The following ESR1 variants were observed in gnomAD, a reference collection of about 807,000 sequenced individuals.
The protein encoded by ESR1 is estrogen receptor.
A neutral mutation model predicts 52.7 loss-of-function variants in ESR1; 12 were observed. That is an observed-to-expected ratio of 0.23 (90% CI 0.15 to 0.37). The LOEUF (loss-of-function observed/expected upper bound fraction) is 0.37, where lower values mean the gene tolerates loss of function less well. Among genes scored for constraint, ESR1 ranks in the 10% least tolerant of loss-of-function variants. ESR1 has a pLI of 1.00. For synonymous variants in ESR1, 305 were observed against 316.8 expected (o/e 0.96, Z 0.39); for missense variants, 584 against 779.7 (o/e 0.75, Z 2.99).
In ESR1 at chr6:151,807,771, GGGGCCA is replaced by G. The variant is rs1214624259; in HGVS notation, c.-140_-135del. On this transcript the variant is annotated 5_prime_UTR_variant, in exon 1 of 8. Coordinates refer to ENST00000206249, the MANE Select transcript of ESR1 (RefSeq NM_000125.4). ...ACCCGCAGGCTCCCGGGGCAGGGCC[GGGGCCA>G]GAGCTCGCGTGTCGGCGGGACATGC... 3.5e-5 allele frequency: 29 copies of G among 836,248 alleles called. No homozygotes were observed. The highest frequency in any genetic ancestry group is 5.3e-5 in the Non-Finnish European group (27 of 512,596). The allele number at this position is 836,248 out of a possible 1,614,324, so 51.8% of individuals were successfully genotyped here. A position where few individuals can be genotyped will look rare whatever the true frequency, so the allele number is the denominator to read the frequency against.
chr6:151,765,881 A>T (rs975461106), intron 2 of ESR1, among the ~76,000 whole-genome samples: 1 of 152,214 alleles, frequency 6.6e-6, no homozygotes, highest in Non-Finnish European at 1.5e-5. Context: ...AAGGGGTTCA[A>T]TTACAGAACT....
intron 2 of ESR1, among the ~76,000 whole-genome samples, chr6:151,846,491 A>T (rs1354114869): frequency 6.6e-6 from 1 of 152,204 alleles, no homozygotes; most frequent in Non-Finnish European, 1.5e-5. Flanking sequence ...ACATTTAAGG[A>T]TGGTGAAGGG....
In ESR1 at chr6:152,098,990, T is replaced by C; in HGVS notation, c.*24T>C. ...GAGAGCTCCCTGGCTCCCACACGGT[T>C]CAGATAATCCCTGCTGCATTTTACC... On this transcript the variant is annotated 3_prime_UTR_variant, in exon 8 of 8. Coordinates refer to ENST00000206249, the MANE Select transcript of ESR1 (RefSeq NM_000125.4). This position sits in a 1 kb window ranked among gnomAD's most constrained non-coding sequence, Gnocchi z 5.1. 2 of 1,589,268 alleles carry C rather than the reference T, an allele frequency of 1.3e-6. No individual in the cohort carries two copies. Among genetic ancestry groups the C allele is most frequent in the Non-Finnish European group, 1.7e-6 (2 of 1,157,968 alleles).
chr6:152,011,419 G>A (rs564111960), intron 4 of ESR1, among the ~76,000 whole-genome samples: 2 of 152,228 alleles, frequency 1.3e-5, no homozygotes, highest in East Asian at 1.9e-4. Context: ...GCTCAAGTTG[G>A]TACATTTCTG....
At chr6:151,791,463 A>T (rs913575370) in intron 2 of ESR1, among the ~76,000 whole-genome samples, 5 of 152,198 alleles carry the variant, frequency 3.3e-5, no homozygotes, top group Non-Finnish European at 7.3e-5. Flanking sequence ...TGGAACTGTG[A>T]GTCCATTAAA....
At chr6:151,914,583 A>G (rs1372186351) in intron 3 of ESR1, among the ~76,000 whole-genome samples, 1 of 152,238 alleles carries the variant, frequency 6.6e-6, no homozygotes, top group East Asian at 1.9e-4. Context: ...TATTTAACAA[A>G]TCATACTAGT....
chr6:151,931,642 C>T (rs1427681932), intron 3 of ESR1, among the ~76,000 whole-genome samples: 1 of 141,232 alleles, frequency 7.1e-6, no homozygotes, highest in Non-Finnish European at 1.5e-5. Context: ...GTGATATTCC[C>T]CTTCCTGTGT....
chr6:151,786,840 T>C (rs1359544579), intron 2 of ESR1, among the ~76,000 whole-genome samples: 6 of 152,190 alleles, frequency 3.9e-5, no homozygotes, highest in African/African-American at 1.4e-4. Context: ...GATGGGGTCT[T>C]GCTCTGTCAC....
At chr6:151,956,849 T>A (rs3003919) in intron 4 of ESR1, among the ~76,000 whole-genome samples, 3 of 33,108 alleles carry the variant, frequency 9.1e-5, no homozygotes, top group South Asian at 6.5e-4. Flanking sequence ...AATAAATATA[T>A]ATATATATAT....
intron 1 of ESR1, among the ~76,000 whole-genome samples, chr6:151,834,029 A>G (rs1201619612): frequency 6.6e-6 from 1 of 152,258 alleles, no homozygotes; most frequent in East Asian, 1.9e-4. Context: ...AATGGTGATC[A>G]TTAAAAAGTC....
intron 6 of ESR1, among the ~76,000 whole-genome samples, chr6:152,073,454 C>T (rs943894989): frequency 2.6e-5 from 4 of 152,290 alleles, no homozygotes; most frequent in South Asian, 2.1e-4. Flanking sequence ...CATAATTTCA[C>T]CACACAAAAG....
intron 2 of ESR1, among the ~76,000 whole-genome samples, chr6:151,857,495 A>C (rs986672838): frequency 2.7e-5 from 4 of 150,776 alleles, no homozygotes; most frequent in Non-Finnish European, 5.9e-5. Context: ...CCACCCACCC[A>C]CACACACACA....
intron 1 of ESR1, among the ~76,000 whole-genome samples, chr6:151,699,092 G>A (rs977069798): frequency 6.6e-6 from 1 of 152,130 alleles, no homozygotes; most frequent in African/African-American, 2.4e-5. Flanking sequence ...AACAGTTCAC[G>A]TATTATTCCT....
At chr6:151,839,609 G>A (rs1783948213) in intron 1 of ESR1, among the ~76,000 whole-genome samples, 1 of 152,182 alleles carries the variant, frequency 6.6e-6, no homozygotes, top group Admixed American at 6.5e-5. Flanking sequence ...ATAGATGGAT[G>A]AATGGGTAAA....
rs558428994 is a variant in ESR1, at chr6:151,782,310, A to G, written c.-70-25533A>G. On this transcript the variant is annotated intron_variant, in intron 2 of 2. Coordinates refer to the ESR1 transcript ENST00000404742. ...AAGTGTTAAAAATTATAAAGAAACA[A>G]GAATGTGTTTTTATAATCTCATTTT... Among the ~76,000 whole-genome samples, 7 of 152,374 alleles carry G rather than the reference A, an allele frequency of 4.6e-5. No homozygotes were observed. In the South Asian group the frequency reaches 1.2e-3, roughly 27 times the overall value.
At chr6:151,956,861 T>TAA (rs1554293647) in intron 4 of ESR1, among the ~76,000 whole-genome samples, 81 of 82,756 alleles carry the variant, frequency 9.8e-4, no homozygotes, top group Middle Eastern at 0.017. Context: ...TATATATATA[T>TAA]AAATATATAT....
chr6:151,758,761 T>C (rs975837132), intron 2 of ESR1, among the ~76,000 whole-genome samples: 22 of 124,324 alleles, frequency 1.8e-4, no homozygotes, highest in African/African-American at 5.7e-4. Context: ...TGTCTCAAAT[T>C]AAAAAAAAAA....
intron 4 of ESR1, among the ~76,000 whole-genome samples, chr6:151,991,800 A>C (rs1240283378): frequency 1.3e-5 from 2 of 152,120 alleles, no homozygotes; most frequent in Admixed American, 6.5e-5. Flanking sequence ...GTAGTTCCCC[A>C]CACAAACCCT....
At chr6:151,736,629 T>A (rs1782699615) in intron 2 of ESR1, among the ~76,000 whole-genome samples, 1 of 152,162 alleles carries the variant, frequency 6.6e-6, no homozygotes, top group Non-Finnish European at 1.5e-5. Flanking sequence ...TCCACCCACC[T>A]TGGCCTCCTA....
Sources: allele counts gnomAD v4.1 joint callset (sites outside exome capture counted in the v4.1 genomes callset), GRCh38; gene constraint gnomAD v4.1.1; non-coding constraint Gnocchi (gnomAD v3.1); transcripts MANE v1.5; gene names NCBI Gene and HGNC (gene_info 2026-07-23, HGNC 2026-07-21).